Variants in EFHB observed in about 807,000 individuals in gnomAD.
The protein encoded by EFHB is EF-hand domain family member B, also known as EF-hand domain-containing family member B.
In EFHB, 91 loss-of-function variants were observed where a neutral mutation model predicts 87.2. The ratio of observed to expected loss-of-function variants is 1.04; its 90% CI spans 0.88 to 1.24. The LOEUF (loss-of-function observed/expected upper bound fraction) is 1.24. Ranked by LOEUF, EFHB falls within the 50% of genes most tolerant of loss-of-function variation. EFHB has a pLI of 0.00. For missense variants in EFHB, 1,084 were observed against 998.8 expected, an observed-to-expected ratio of 1.09 and a Z score of -1.15; for synonymous variants, 325 against 333.6, an observed-to-expected ratio of 0.97 and a Z score of 0.28.
intron 1 of EFHB, chr3:19,940,533 T>C: frequency 2.0e-6 from 1 of 506,302 alleles, no homozygotes; most frequent in Non-Finnish European, 4.0e-6. Flanking sequence ...CTTCAACAGT[T>C]GCTTCCATGT....
At chr3:19,884,315 A>T in intron 11 of EFHB, 88 bp downstream of exon 11, 2 of 1,252,540 alleles carry the variant, frequency 1.6e-6, no homozygotes, top group Non-Finnish European at 2.2e-6. Context: ...GGGAAACTTA[A>T]TCTAACGGAG....
chr3:19,915,317 T>C lies in EFHB; in HGVS notation c.1274A>G (p.Asn425Ser), dbSNP rs748292969. 6.2e-6 allele frequency: 10 copies of C among 1,611,340 alleles called. No individual in the cohort carries two copies. The East Asian group carries it at 6.7e-5, about 11-fold the overall frequency. Reference sequence around the variant, plus strand: ...AGGACACTTACCTGCATAATAATCATTGTGAGAAACAACATACAAATCATG... The same window carrying C: ...AGGACACTTACCTGCATAATAATCACTGTGAGAAACAACATACAAATCATG... ...EGHDLYVVSH[N>S]DYYAGEAKNR... The change falls in exon 5 of 13, where the codon AAT (asparagine) becomes AGT (serine). Residue 425 changes from asparagine (N) to serine (S), a missense_variant. Coordinates refer to ENST00000295824, the MANE Select transcript of EFHB (RefSeq NM_144715.4).
intron 1 of EFHB, among the ~76,000 whole-genome samples, chr3:19,939,820 T>A (rs1696115652): frequency 6.6e-6 from 1 of 152,226 alleles, no homozygotes; most frequent in African/African-American, 2.4e-5. Context: ...TCTAATAGAA[T>A]GCACAGGGTC....
intron 10 of EFHB, 111 bp downstream of exon 10, chr3:19,888,333 G>T: frequency 3.9e-6 from 2 of 510,566 alleles, no homozygotes; most frequent in Non-Finnish European, 5.5e-6. Context: ...TCAAGGGCAA[G>T]TAGGACCAGC....
intron 5 of EFHB, among the ~76,000 whole-genome samples, chr3:19,908,550 GAGAA>G (rs1301487400): frequency 4.7e-5 from 3 of 63,928 alleles, no homozygotes; most frequent in Non-Finnish European, 9.7e-5. Context: ...GAAAGAAAGA[GAGAA>G]AGAGAGAAAG....
Position 19,934,217 on chromosome 3 carries a change from T to C in EFHB, c.-199A>G. ...AGTTCACAGAGGAAAAGATGGAGTC[T>C]GTTTATCAGGTTACCTGGGAAACAG... is the stretch of plus-strand genomic sequence containing the variant. On this transcript the variant is annotated 5_prime_UTR_variant, in exon 1 of 13. Coordinates refer to ENST00000295824, the MANE Select transcript of EFHB (RefSeq NM_144715.4). The C allele has an allele frequency of 7.0e-7, 1 of 1,435,336 alleles. No individual in the cohort carries two copies. Among genetic ancestry groups the C allele is most frequent in the Non-Finnish European group, 9.1e-7 (1 of 1,102,100 alleles). The allele number at this position is 1,435,336 out of a possible 1,614,324, so 88.9% of individuals were successfully genotyped here.
chr3:19,915,549 C>T, intron 4 of EFHB, 136 bp from the exon 5 acceptor site: 2 of 590,726 alleles, frequency 3.4e-6, no homozygotes, highest in South Asian at 2.3e-5. Flanking sequence ...GATCACAAAG[C>T]CAACATAAAT....
chr3:19,933,465 T>A lies in EFHB; in HGVS notation c.554A>T (p.Glu185Val). The A allele has an allele frequency of 6.2e-7, 1 of 1,614,028 alleles. No individual in the cohort carries two copies. The highest frequency in any genetic ancestry group is 8.5e-7 in the Non-Finnish European group (1 of 1,179,906). Residue 185 changes from glutamate to valine, a missense_variant, in exon 1 of 13, where the codon GAG becomes GTG. Transcript: ENST00000295824. ...STCVLMKPNTEIKLPVEVDIG... is the reference protein window; with the variant it reads ...STCVLMKPNTVIKLPVEVDIG... ...GTCCACCTCCACAGGAAGCTTAATCTCTGTGTTGGGTTTCATTAAAACACA... is the reference window on the plus strand; with the variant it reads ...GTCCACCTCCACAGGAAGCTTAATCACTGTGTTGGGTTTCATTAAAACACA...
intron 1 of EFHB, chr3:19,946,912 C>T (rs1696302724): frequency 2.0e-5 from 3 of 152,472 alleles, no homozygotes; most frequent in Admixed American, 1.3e-4. Context: ...GGCGTGGCCG[C>T]GCGTACCTGG....
rs371489219 is a variant in EFHB at position 19,945,279 on chromosome 3, G to T, written c.-32+1640C>A. ...TAGAAATAGAATGAAAGAAACTTGG[G>T]TTGGGACTAGAGTTAAAGAACTTTA... On this transcript the variant is annotated intron_variant, in intron 1 of 14. Coordinates refer to the EFHB transcript ENST00000344838. Among the ~76,000 whole-genome samples the T allele has an allele frequency of 3.5e-4, 54 of 152,310 alleles. 1 individual carries two copies. Among genetic ancestry groups the T allele is most frequent in the African/African-American group, 1.3e-3 (52 of 41,568 alleles).
At chr3:19,944,414 TC>T (rs11289495) in intron 1 of EFHB, among the ~76,000 whole-genome samples, 78 of 152,336 alleles carry the variant, frequency 5.1e-4, no homozygotes, top group African/African-American at 1.9e-3. Context: ...CTTAACAAGT[TC>T]TATCAACTGG....
upstream of EFHB, chr3:19,934,343 C>T: frequency 1.0e-6 from 1 of 993,282 alleles, no homozygotes; most frequent in Non-Finnish European, 1.3e-6. Flanking sequence ...CCTCTTCTCT[C>T]TCCTCTGTCT....
At chr3:19,938,264 T>C (rs1696068478), upstream of EFHB, among the ~76,000 whole-genome samples, 1 of 152,238 alleles carries the variant, frequency 6.6e-6, no homozygotes, top group Non-Finnish European at 1.5e-5. Context: ...GGGATGTGGA[T>C]TACACAGGTA....
At chr3:19,900,589 C>CATT (rs1694636929) in intron 6 of EFHB, among the ~76,000 whole-genome samples, 1 of 152,146 alleles carries the variant, frequency 6.6e-6, no homozygotes, top group Non-Finnish European at 1.5e-5. Context: ...CTTTTATCCA[C>CATT]ATCTGGGAAC....
Position 19,882,544 on chromosome 3 carries a change from C to G in EFHB, c.2328+6G>C, listed in dbSNP as rs1026896505. On this transcript the variant is annotated splice_donor_region_variant and intron_variant, in intron 12 of 12. Transcript: ENST00000295824. ...ATTTCCATTTTTGTATGCTTATATG[C>G]TATACCTCTTCTTTTGATCTGGTCT... 1.3e-6 allele frequency: 2 copies of G among 1,586,444 alleles called. No individual in the cohort carries two copies. Among genetic ancestry groups the G allele is most frequent in the African/African-American group, 2.7e-5 (2 of 74,652 alleles).
Position 19,889,733 on chromosome 3 carries a change from T to TA in EFHB, c.1726-1083dup, listed in dbSNP as rs557151683. 1.1e-3 allele frequency among the ~76,000 whole-genome samples: 171 copies of TA among 152,290 alleles called. 2 individuals are homozygous for TA. The highest frequency in any genetic ancestry group is 4.0e-3 in the African/African-American group (166 of 41,562). ...CCCTGGATTAAAGCAGACTCCTTTA[T>TA]AAAAGTCTCTACTACAGGCCAGGCA... On this transcript the variant is annotated intron_variant, in intron 9 of 12. Coordinates refer to ENST00000295824, the MANE Select transcript of EFHB (RefSeq NM_144715.4).
upstream of EFHB, chr3:19,935,994 G>GGCGAC: frequency 6.9e-6 from 1 of 144,780 alleles, no homozygotes; most frequent in South Asian, 2.6e-4. Context: ...TGGCGACAGA[G>GGCGAC]TGAGACTCCA....
intron 5 of EFHB, among the ~76,000 whole-genome samples, chr3:19,908,594 G>GAGAGAGAA (rs1166745935): frequency 4.4e-5 from 4 of 91,354 alleles, no homozygotes; most frequent in Non-Finnish European, 8.3e-5. Context: ...GAGAGAGAGA[G>GAGAGAGAA]AGAGAGAAAG....
intron 1 of EFHB, among the ~76,000 whole-genome samples, chr3:19,922,123 C>G (rs1465147443): frequency 1.3e-5 from 2 of 152,096 alleles, no homozygotes; most frequent in Non-Finnish European, 2.9e-5. Context: ...CGAGGCCATG[C>G]CATTGCACTC....
Sources: allele counts gnomAD v4.1 joint callset (sites outside exome capture counted in the v4.1 genomes callset), GRCh38; gene constraint gnomAD v4.1.1; transcripts MANE v1.5; gene names NCBI Gene and HGNC (gene_info 2026-07-23, HGNC 2026-07-21).